The following KIF1A variants were observed in gnomAD, a reference collection of about 807,000 sequenced individuals.
The protein encoded by KIF1A is kinesin-like protein KIF1A.
In KIF1A, 46 loss-of-function variants were observed where a neutral mutation model predicts 227.3. The observed-to-expected ratio is 0.20, with a 90% CI of 0.16 to 0.26. The LOEUF is 0.26. KIF1A is among the 10% of genes least tolerant of loss of function. KIF1A has a pLI of 1.00. For synonymous variants in KIF1A, 1,022 were observed against 1,012.8 expected, an observed-to-expected ratio of 1.01 and a Z score of -0.17; for missense variants, 1,683 against 2,485.9, an observed-to-expected ratio of 0.68 and a Z score of 6.87.
chr2:240,776,106 C>T (rs866672280), intron 10 of KIF1A, among the ~76,000 whole-genome samples, 180 bp from the exon 11 acceptor site: 6 of 152,160 alleles, frequency 3.9e-5, no homozygotes, highest in Non-Finnish European at 7.3e-5. Context: ...GACCCCAGGC[C>T]GCCACCCCAG....
intron 1 of KIF1A, among the ~76,000 whole-genome samples, chr2:240,807,517 T>C (rs1430013001): frequency 2.0e-5 from 3 of 152,224 alleles, no homozygotes; most frequent in Non-Finnish European, 2.9e-5. Flanking sequence ...TATTAATAAA[T>C]AGTTGCTATA....
At chr2:240,724,353 C>T (rs992518599) in intron 40 of KIF1A, 3 of 424,334 alleles carry the variant, frequency 7.1e-6, no homozygotes, top group African/African-American at 4.1e-5. Context: ...CATCTGGCAT[C>T]TCCAGTCCCT....
intron 10 of KIF1A, among the ~76,000 whole-genome samples, chr2:240,779,989 T>C (rs1006988961): frequency 1.6e-4 from 25 of 151,840 alleles, no homozygotes; most frequent in Non-Finnish European, 2.9e-5. Flanking sequence ...TGCACCCACT[T>C]TCACAGTTTC....
At chr2:240,742,587 C>T (rs565856475) in intron 34 of KIF1A, among the ~76,000 whole-genome samples, 4 of 152,294 alleles carry the variant, frequency 2.6e-5, no homozygotes, top group South Asian at 2.1e-4. Flanking sequence ...CTCAGACCCC[C>T]GTGAAGGAGC....
Position 240,740,503 on chromosome 2 carries a change from G to T in KIF1A, c.3750-139C>A. ...GTGAAGATCAGGTGGTCTGATCCAT[G>T]GAGACCACGGTCAGCTGAGCACAGA... On this transcript the variant is annotated intron_variant, in intron 35 of 48. Coordinates refer to ENST00000498729, the MANE Select transcript of KIF1A (RefSeq NM_001244008.2). This position sits in a 1 kb window ranked among gnomAD's most constrained non-coding sequence, Gnocchi z 6.1. 2 of 702,220 alleles carry T rather than the reference G, an allele frequency of 2.8e-6. No individual in the cohort carries two copies. The highest frequency in any genetic ancestry group is 5.0e-6 in the Non-Finnish European group (2 of 399,572). The allele number at this position is 702,220 out of a possible 1,614,324, so 43.5% of individuals were successfully genotyped here.
intron 10 of KIF1A, 118 bp from the exon 11 acceptor site, chr2:240,776,044 G>A: frequency 1.4e-6 from 1 of 739,898 alleles, no homozygotes; most frequent in Admixed American, 2.0e-5. Flanking sequence ...GCAAGGGGCG[G>A]GGCCCGCTCT....
chr2:240,741,831 C>G (rs564565683), intron 34 of KIF1A, among the ~76,000 whole-genome samples: 1 of 152,194 alleles, frequency 6.6e-6, no homozygotes, highest in South Asian at 2.1e-4. Flanking sequence ...AGGCCTGGCC[C>G]GAGAGGACCT....
At chr2:240,776,087 C>A (rs969992763) in intron 10 of KIF1A, among the ~76,000 whole-genome samples, 161 bp from the exon 11 acceptor site, 1 of 152,210 alleles carries the variant, frequency 6.6e-6, no homozygotes, top group Non-Finnish European at 1.5e-5. Context: ...CCAGGCCTCT[C>A]CCTGCCCAGA....
Position 240,778,609 on chromosome 2 carries a change from C to T in KIF1A, c.883-2683G>A, listed in dbSNP as rs966151849. ...GCTCCCGAAAACCCCTTCAGCTCGGCCCCCGTCCCCACACAGCTCCCCACC... is the reference window on the plus strand; with the variant it reads ...GCTCCCGAAAACCCCTTCAGCTCGGTCCCCGTCCCCACACAGCTCCCCACC... On this transcript the variant is annotated intron_variant, in intron 10 of 48. Coordinates refer to ENST00000498729, the MANE Select transcript of KIF1A (RefSeq NM_001244008.2). The surrounding 1 kb of genome is among the most constrained non-coding windows in gnomAD (Gnocchi z 7.2). Among the ~76,000 whole-genome samples the T allele has an allele frequency of 1.3e-5, 2 of 151,556 alleles. No individual in the cohort carries two copies. The highest frequency in any genetic ancestry group is 4.2e-4 in the South Asian group (2 of 4,774).
At chr2:240,769,995 C>A (rs916388372) in intron 15 of KIF1A, among the ~76,000 whole-genome samples, 1 of 152,198 alleles carries the variant, frequency 6.6e-6, no homozygotes, top group Non-Finnish European at 1.5e-5. Context: ...GCCATCCTCG[C>A]TGCTGCCAAG....
intron 11 of KIF1A, 57 bp from the exon 12 acceptor site, chr2:240,774,318 C>T: frequency 8.7e-7 from 1 of 1,150,852 alleles, no homozygotes; most frequent in Non-Finnish European, 1.3e-6. Flanking sequence ...AGGGCTATGT[C>T]TGCTCCCCCC....
chr2:240,733,892 C>T (rs1399253468), intron 38 of KIF1A, among the ~76,000 whole-genome samples: 3 of 152,238 alleles, frequency 2.0e-5, no homozygotes, highest in African/African-American at 4.8e-5. Context: ...ATTTTCCATT[C>T]GGAACGGACT....
chr2:240,780,591 C>G (rs1259087181), intron 10 of KIF1A, among the ~76,000 whole-genome samples: 1 of 151,994 alleles, frequency 6.6e-6, no homozygotes, highest in Non-Finnish European at 1.5e-5. Context: ...CTGTGGCACA[C>G]ACGTCCTGTC....
At chr2:240,797,546 C>A in intron 2 of KIF1A, 101 bp downstream of exon 2, 2 of 794,060 alleles carry the variant, frequency 2.5e-6, no homozygotes, top group Non-Finnish European at 4.2e-6. Flanking sequence ...GGTGCTCTTG[C>A]GGCCAGGGCC....
At chr2:240,806,171 G>T (rs778849791) in intron 1 of KIF1A, among the ~76,000 whole-genome samples, 1 of 152,210 alleles carries the variant, frequency 6.6e-6, no homozygotes, top group Non-Finnish European at 1.5e-5. Context: ...GGACCCAAGC[G>T]CCTTGGCAGC....
At chr2:240,786,013 C>T (rs2054699747) in intron 6 of KIF1A, among the ~76,000 whole-genome samples, 3 of 152,150 alleles carry the variant, frequency 2.0e-5, no homozygotes. Context: ...AGAATGTGGA[C>T]CCCTGGGACT....
Position 240,758,449 on chromosome 2 carries a change from C to T in KIF1A, c.2493G>A (p.Val831=), listed in dbSNP as rs201861261. The change falls in exon 26 of 49, where the codon GTG becomes GTA. Residue 831 remains valine, a synonymous_variant. Coordinates refer to ENST00000498729, the MANE Select transcript of KIF1A (RefSeq NM_001244008.2). This position sits in a 1 kb window ranked among gnomAD's most constrained non-coding sequence, Gnocchi z 5.2. ...CACAGTCCTCGATGACACTGGAGGG[C>T]ACCTCTGCAGCGCGGTCGTACATCT... ...MREMYDRAAE[V]PSSVIEDCDN... is the part of the protein sequence containing the mutation. 7 of 1,611,212 alleles carry T rather than the reference C, an allele frequency of 4.3e-6. No homozygotes were observed. In the African/African-American group the frequency reaches 9.4e-5, roughly 22 times the overall value.
chr2:240,800,225 A>T (rs1559540753), intron 1 of KIF1A, among the ~76,000 whole-genome samples: 1 of 152,180 alleles, frequency 6.6e-6, no homozygotes. Context: ...GAAAAAATAA[A>T]GCTATTCTAG....
In KIF1A at chr2:240,757,742, A is replaced by C; in HGVS notation, c.2583-148T>G. ...GAATGCTGCTTTAAAAGATGAGAGA[A>C]CCAAAACTGTGCCCCCAGGCTTGGA... On this transcript the variant is annotated intron_variant, in intron 26 of 48. Transcript: ENST00000498729. The surrounding 1 kb of genome is among the most constrained non-coding windows in gnomAD (Gnocchi z 6.2). The C allele has an allele frequency of 3.8e-6, 3 of 781,122 alleles. No individual in the cohort carries two copies. Among genetic ancestry groups the C allele is most frequent in the East Asian group, 2.7e-5 (1 of 36,594 alleles). The allele number at this position is 781,122 out of a possible 1,614,324, so 48.4% of individuals were successfully genotyped here.
Sources: gnomAD v4.1 joint callset for allele counts (sites outside exome capture counted in the v4.1 genomes callset) on GRCh38, gnomAD v4.1.1 for gene constraint, Gnocchi (gnomAD v3.1) non-coding constraint, MANE v1.5 for transcripts, NCBI Gene and HGNC (gene_info 2026-07-23, HGNC 2026-07-21) for gene names.